ZNF704: variants seen among roughly 807,000 people sequenced by gnomAD.
ZNF704 encodes the protein zinc finger protein 704.
In ZNF704, 10 loss-of-function variants were observed where a neutral mutation model predicts 44.7. The ratio of observed to expected loss-of-function variants is 0.22; its 90% CI spans 0.14 to 0.38. The LOEUF is 0.38. Ranked by LOEUF, ZNF704 falls within the 10% of genes least tolerant of loss-of-function variation. The pLI, the probability that ZNF704 is intolerant of heterozygous loss-of-function variation, is 1.00. For synonymous variants in ZNF704, 211 were observed against 207.6 expected (o/e 1.02, Z -0.14); for missense variants, 390 against 545.5 (o/e 0.71, Z 2.84).
chr8:80,691,001 T>A (rs1818624015), intron 3 of ZNF704, among the ~76,000 whole-genome samples: 1 of 149,534 alleles, frequency 6.7e-6, no homozygotes. Flanking sequence ...AGAGCGAGAC[T>A]CCATCTCAAA....
rs543489141 is a variant in ZNF704, at chr8:80,637,863, A to G, written c.*3503T>C. 2.0e-5 allele frequency: 3 copies of G among 152,222 alleles called. No homozygotes were observed. The highest frequency in any genetic ancestry group is 2.1e-4 in the South Asian group (1 of 4,834). 9.4% of individuals were successfully genotyped at this position (152,222 alleles called of 1,614,324 possible). ...CAGCTAGTGTGGTGGAGAGAAGTCC[A>G]TATCTGCTAGAGATGGCCCGCTCAG... On this transcript the variant is annotated 3_prime_UTR_variant, in exon 9 of 9. Transcript: ENST00000327835.
At chr8:80,776,912 C>T (rs941005689) in intron 2 of ZNF704, 2 of 152,246 alleles carry the variant, frequency 1.3e-5, no homozygotes, top group African/African-American at 4.8e-5. Flanking sequence ...GATCCTTCTG[C>T]CTCAGCCTCC....
chr8:80,756,212 C>T (rs1807032439), intron 2 of ZNF704, among the ~76,000 whole-genome samples: 1 of 152,112 alleles, frequency 6.6e-6, no homozygotes, highest in Non-Finnish European at 1.5e-5. Context: ...TCAAGACAGA[C>T]ATATCCAAGA....
chr8:80,695,484 G>A (rs1162238754), intron 2 of ZNF704, among the ~76,000 whole-genome samples: 1 of 152,206 alleles, frequency 6.6e-6, no homozygotes, highest in Non-Finnish European at 1.5e-5. Flanking sequence ...TTGGTAAGGA[G>A]AGGGTCCCCT....
At chr8:80,859,279 G>C (rs1346942822) in intron 1 of ZNF704, among the ~76,000 whole-genome samples, 1 of 152,152 alleles carries the variant, frequency 6.6e-6, no homozygotes, top group Non-Finnish European at 1.5e-5. Flanking sequence ...TGAAACATGA[G>C]ACCAGACTGC....
At chr8:80,851,102 G>A (rs542581088) in intron 1 of ZNF704, among the ~76,000 whole-genome samples, 13 of 152,328 alleles carry the variant, frequency 8.5e-5, no homozygotes, top group Admixed American at 6.5e-5. Context: ...TTGTACGCAC[G>A]TTACTGCTTT....
chr8:80,670,487 G>T lies in ZNF704; in HGVS notation c.659+16C>A. ...AGCAGATGGGGGCTGCATCCCTGAA[G>T]AGAGAGCTGCCTTACCCCAGATGGA... is the stretch of plus-strand genomic sequence containing the variant. On this transcript the variant is annotated intron_variant, in intron 5 of 8. Coordinates refer to ENST00000327835, the MANE Select transcript of ZNF704 (RefSeq NM_001033723.3). The T allele has an allele frequency of 6.2e-7, 1 of 1,600,862 alleles. No individual in the cohort carries two copies. Among genetic ancestry groups the T allele is most frequent in the Non-Finnish European group, 8.6e-7 (1 of 1,168,142 alleles).
At chr8:80,842,990 TTCAAC>T (rs1406183003) in intron 1 of ZNF704, among the ~76,000 whole-genome samples, 1 of 152,194 alleles carries the variant, frequency 6.6e-6, no homozygotes, top group Non-Finnish European at 1.5e-5. Context: ...TGCTTTCATC[TTCAAC>T]TCAAGAGGTG....
chr8:80,730,771 C>T (rs1172170966), intron 2 of ZNF704, among the ~76,000 whole-genome samples: 4 of 151,730 alleles, frequency 2.6e-5, no homozygotes, highest in African/African-American at 4.8e-5. Context: ...TGGTTTATAC[C>T]AGGGAGAAGT....
intron 3 of ZNF704, among the ~76,000 whole-genome samples, chr8:80,692,710 G>A (rs1451137404): frequency 1.3e-5 from 2 of 152,114 alleles, no homozygotes; most frequent in Non-Finnish European, 2.9e-5. Context: ...ATTTACCTGG[G>A]AAAAAAGGGA....
At chr8:80,759,280 G>A (rs995941384) in intron 2 of ZNF704, among the ~76,000 whole-genome samples, 1 of 148,554 alleles carries the variant, frequency 6.7e-6, no homozygotes, top group African/African-American at 2.5e-5. Context: ...TTTTTTTCCA[G>A]GGCCTTTTTT....
At chr8:80,772,601 A>T (rs966675680) in intron 2 of ZNF704, among the ~76,000 whole-genome samples, 1 of 152,134 alleles carries the variant, frequency 6.6e-6, no homozygotes, top group Non-Finnish European at 1.5e-5. Flanking sequence ...CTAAACCATC[A>T]GAAACCACCC....
chr8:80,739,783 A>G (rs544834253), intron 2 of ZNF704, among the ~76,000 whole-genome samples: 1 of 152,290 alleles, frequency 6.6e-6, no homozygotes, highest in Admixed American at 6.5e-5. Flanking sequence ...TGCGGTCTAC[A>G]AGGACACTTT....
upstream of ZNF704, among the ~76,000 whole-genome samples, chr8:80,878,236 CAGAA>C (rs1224674168): frequency 4.4e-5 from 6 of 135,684 alleles, no homozygotes; most frequent in Admixed American, 2.3e-4. Context: ...TTACATGTAT[CAGAA>C]AGAAAGAGAA....
intron 2 of ZNF704, among the ~76,000 whole-genome samples, chr8:80,780,212 G>A (rs910276381): frequency 6.6e-6 from 1 of 152,202 alleles, no homozygotes; most frequent in Non-Finnish European, 1.5e-5. Context: ...AGAAGAAAGA[G>A]AAAGAAATGG....
Position 80,772,379 on chromosome 8 carries a change from A to G in ZNF704, c.221+48995T>C, listed in dbSNP as rs565438163. Among the ~76,000 whole-genome samples, 4 of 152,292 alleles carry G rather than the reference A, an allele frequency of 2.6e-5. 1 individual carries two copies. Among genetic ancestry groups the G allele is most frequent in the Admixed American group, 2.6e-4 (4 of 15,292 alleles). Reference sequence around the variant, plus strand: ...ACCTGAGACTGGGTAATTTATAAAGAAAAGGGGTTTAATTGGCTCACGGTT... The same window carrying G: ...ACCTGAGACTGGGTAATTTATAAAGGAAAGGGGTTTAATTGGCTCACGGTT... On this transcript the variant is annotated intron_variant, in intron 2 of 8. Coordinates refer to ENST00000327835, the MANE Select transcript of ZNF704 (RefSeq NM_001033723.3).
intron 1 of ZNF704, among the ~76,000 whole-genome samples, chr8:80,826,425 C>T (rs555844190): frequency 9.3e-4 from 141 of 150,816 alleles, no homozygotes; most frequent in African/African-American, 3.1e-3. Context: ...CTGAAATTGA[C>T]GCAATAATAG....
Position 80,874,695 on chromosome 8 carries a change from G to A in ZNF704, c.-146C>T, listed in dbSNP as rs1809333954. ...GACTTCGCTGGAAGTAAGGTTGTCT[G>A]TCAAAGTTAGACTTTGAACGTAGAG... On this transcript the variant is annotated 5_prime_UTR_variant, in exon 1 of 9. Transcript: ENST00000327835. The surrounding 1 kb of genome is among the most constrained non-coding windows in gnomAD (Gnocchi z 4.4). The A allele has an allele frequency of 6.6e-6, 1 of 152,140 alleles. No homozygotes were observed. The highest frequency in any genetic ancestry group is 1.5e-5 in the Non-Finnish European group (1 of 68,030). 9.4% of individuals were successfully genotyped at this position (152,140 alleles called of 1,614,324 possible).
chr8:80,787,446 G>A (rs900244615), intron 2 of ZNF704, among the ~76,000 whole-genome samples: 2 of 152,136 alleles, frequency 1.3e-5, no homozygotes, highest in Non-Finnish European at 2.9e-5. Context: ...AGATCAAAGC[G>A]CTTCCTATGC....
Sources: allele counts gnomAD v4.1 joint callset (sites outside exome capture counted in the v4.1 genomes callset), GRCh38; gene constraint gnomAD v4.1.1; non-coding constraint Gnocchi (gnomAD v3.1); transcripts MANE v1.5; gene names NCBI Gene and HGNC (gene_info 2026-07-23, HGNC 2026-07-21).